Variants in ZPBP observed in about 807,000 individuals in gnomAD.
ZPBP encodes zona pellucida-binding protein 1.
ZPBP carries 26 observed loss-of-function variants against 44.8 expected under a neutral mutation model. The observed-to-expected ratio is 0.58, with a 90% CI of 0.43 to 0.81. ZPBP has a LOEUF of 0.81. Among genes scored for constraint, ZPBP ranks in the 30% least tolerant of loss-of-function variants. ZPBP has a pLI of 0.00. For synonymous variants in ZPBP, 174 were observed against 153.2 expected, an observed-to-expected ratio of 1.14 and a Z score of -1.00; for missense variants, 409 against 434.0, an observed-to-expected ratio of 0.94 and a Z score of 0.51.
intron 1 of ZPBP, chr7:49,912,946 G>C (rs533454383): frequency 6.6e-6 from 1 of 152,148 alleles, no homozygotes; most frequent in Admixed American, 6.5e-5. Flanking sequence ...CCTAAACTGA[G>C]GAATAAAGTA....
chr7:49,920,898 G>A (rs1243311536), intron 1 of ZPBP: 3 of 152,072 alleles, frequency 2.0e-5, no homozygotes, highest in Non-Finnish European at 2.9e-5. Flanking sequence ...ACTGTTATAG[G>A]GGAAATGTAC....
the ZPBP span, among the ~76,000 whole-genome samples, chr7:49,842,361 T>G: frequency 6.6e-6 from 1 of 152,356 alleles, no homozygotes; most frequent in Non-Finnish European, 1.5e-5. Flanking sequence ...TAAAAGTTAC[T>G]AAAACGTCAT....
At chr7:49,951,809 T>C (rs146994526) in intron 7 of ZPBP, among the ~76,000 whole-genome samples, 4 of 151,744 alleles carry the variant, frequency 2.6e-5, no homozygotes, top group African/African-American at 7.2e-5. Flanking sequence ...GTATTCACAA[T>C]AGCCAAAATA....
At chr7:49,867,820 ATTTT>A (rs1338501825) in intron 2 of ZPBP, among the ~76,000 whole-genome samples, 1 of 145,248 alleles carries the variant, frequency 6.9e-6, no homozygotes, top group Non-Finnish European at 1.5e-5. Context: ...ATTATTTTCT[ATTTT>A]TTATTTTATT....
At chr7:50,065,131 AT>A (rs1769486915) in intron 3 of ZPBP, among the ~76,000 whole-genome samples, 1 of 152,110 alleles carries the variant, frequency 6.6e-6, no homozygotes. Flanking sequence ...ATTTGTGTCT[AT>A]TTTTGTGAGT....
chr7:49,942,955 CA>C (rs1268380833), intron 7 of ZPBP: 2 of 164,668 alleles, frequency 1.2e-5, no homozygotes, highest in African/African-American at 4.8e-5. Flanking sequence ...TTCATTCTGT[CA>C]CTTCCTCTTC....
intron 5 of ZPBP, among the ~76,000 whole-genome samples, chr7:50,028,670 A>C (rs1799449004): frequency 6.6e-6 from 1 of 152,070 alleles, no homozygotes; most frequent in Non-Finnish European, 1.5e-5. Context: ...AAAAAAAAAA[A>C]ACCCAGTGTA....
intron 2 of ZPBP, among the ~76,000 whole-genome samples, chr7:49,885,993 G>A (rs1340672878): frequency 2.0e-5 from 3 of 152,336 alleles, no homozygotes; most frequent in East Asian, 1.9e-4. Context: ...CATTTTTGAC[G>A]TGATGCATTT....
intron 2 of ZPBP, among the ~76,000 whole-genome samples, chr7:49,888,775 G>T (rs1383934769): frequency 6.6e-6 from 1 of 152,178 alleles, no homozygotes; most frequent in African/African-American, 2.4e-5. Context: ...GCCAGGCGTG[G>T]TGGCAGGCGC....
chr7:49,947,498 A>T (rs1056886100), intron 7 of ZPBP, among the ~76,000 whole-genome samples: 1 of 152,166 alleles, frequency 6.6e-6, no homozygotes, highest in African/African-American at 2.4e-5. Flanking sequence ...TAAGATTCAG[A>T]AGAATTCCCT....
At chr7:49,885,721 G>GT (rs1791874204) in intron 2 of ZPBP, among the ~76,000 whole-genome samples, 1 of 152,242 alleles carries the variant, frequency 6.6e-6, no homozygotes, top group Admixed American at 6.5e-5. Flanking sequence ...CTACGAGGGT[G>GT]TAAGAAATTG....
chr7:49,979,824 C>CATATAT (rs56222305), intron 7 of ZPBP, among the ~76,000 whole-genome samples: 15 of 112,404 alleles, frequency 1.3e-4, no homozygotes, highest in East Asian at 7.2e-4. Context: ...TGGAGTTATA[C>CATATAT]ATATATATAT....
chr7:50,021,448 C>T (rs1799086368), intron 5 of ZPBP, among the ~76,000 whole-genome samples: 1 of 151,532 alleles, frequency 6.6e-6, no homozygotes. Context: ...AATTAGTGAA[C>T]TTGAAGACAG....
At chr7:50,053,329 C>G (rs185925353) in intron 4 of ZPBP, among the ~76,000 whole-genome samples, 2 of 152,274 alleles carry the variant, frequency 1.3e-5, no homozygotes, top group Admixed American at 1.3e-4. Context: ...CTTTTCTAAA[C>G]TACTGGACCT....
intron 7 of ZPBP, among the ~76,000 whole-genome samples, chr7:49,953,423 A>G (rs1795437408): frequency 6.6e-6 from 1 of 152,172 alleles, no homozygotes; most frequent in Non-Finnish European, 1.5e-5. Flanking sequence ...GTCTGTTCCC[A>G]ACAGCCAGTA....
intron 4 of ZPBP, among the ~76,000 whole-genome samples, chr7:50,042,176 A>G (rs552272103): frequency 1.9e-3 from 295 of 152,354 alleles, no homozygotes; most frequent in Non-Finnish European, 3.2e-3. Flanking sequence ...GGACTATGTG[A>G]AAAGACCAAA....
intron 4 of ZPBP, among the ~76,000 whole-genome samples, chr7:50,037,174 T>A (rs1330584001): frequency 6.6e-6 from 1 of 152,148 alleles, no homozygotes; most frequent in East Asian, 1.9e-4. Flanking sequence ...TACTAAAAAA[T>A]AACTGTGGGA....
chr7:49,921,436 T>G (rs1295054735), intron 1 of ZPBP: 6 of 152,252 alleles, frequency 3.9e-5, no homozygotes, highest in Non-Finnish European at 7.3e-5. Context: ...TAATGTAACT[T>G]GGCAGTAAAG....
intron 6 of ZPBP, among the ~76,000 whole-genome samples, chr7:49,984,831 T>A (rs1337510173): frequency 6.6e-6 from 1 of 152,166 alleles, no homozygotes; most frequent in Non-Finnish European, 1.5e-5. Context: ...ATATCTCATT[T>A]TATATATATG....
Sources: gnomAD v4.1 joint callset for allele counts (sites outside exome capture counted in the v4.1 genomes callset) on GRCh38, gnomAD v4.1.1 for gene constraint, MANE v1.5 for transcripts, NCBI Gene and HGNC (gene_info 2026-07-23, HGNC 2026-07-21) for gene names.